The following ANKS1B variants were observed in gnomAD, a reference collection of about 807,000 sequenced individuals.
ANKS1B encodes ankyrin repeat and sterile alpha motif domain containing 1B.
ANKS1B carries 36 observed loss-of-function variants against 148.3 expected under a neutral mutation model. The observed-to-expected ratio is 0.24, with a 90% CI of 0.19 to 0.32. ANKS1B has a LOEUF of 0.32. Ranked by LOEUF, ANKS1B falls within the 10% of genes least tolerant of loss-of-function variation. The probability of loss-of-function intolerance (pLI) is 1.00; values close to 1 mark genes in which losing one functional copy is unlikely to be tolerated. For synonymous variants in ANKS1B, 542 were observed against 560.8 expected (o/e 0.97, Z 0.47); for missense variants, 1,157 against 1,542.6 (o/e 0.75, Z 4.19).
At chr12:99,344,612 A>T (rs1209107481) in intron 12 of ANKS1B, among the ~76,000 whole-genome samples, 1 of 152,098 alleles carries the variant, frequency 6.6e-6, no homozygotes, top group East Asian at 1.9e-4. Context: ...ATTTCTTAAA[A>T]ATAAAATCTT....
intron 12 of ANKS1B, among the ~76,000 whole-genome samples, chr12:99,261,713 C>G (rs1204686626): frequency 6.6e-6 from 1 of 152,094 alleles, no homozygotes; most frequent in Non-Finnish European, 1.5e-5. Flanking sequence ...TAGCAGCCTC[C>G]TAACCATCTC....
chr12:99,743,640 G>A (rs990552770), intron 8 of ANKS1B, among the ~76,000 whole-genome samples: 3 of 152,050 alleles, frequency 2.0e-5, no homozygotes, highest in African/African-American at 4.8e-5. Context: ...TTTATTCTGC[G>A]GTTTTCTATT....
intron 8 of ANKS1B, among the ~76,000 whole-genome samples, chr12:99,700,060 TAATGTATTTGTGAGTTTACC>T (rs1235548757): frequency 6.6e-6 from 1 of 152,234 alleles, no homozygotes; most frequent in Non-Finnish European, 1.5e-5. Context: ...CTTAATTTTT[TAATGTATTTGTGAGTTTACC>T]AAGGTTTGCA....
At chr12:99,100,242 G>A (rs1237742178) in intron 15 of ANKS1B, among the ~76,000 whole-genome samples, 4 of 152,138 alleles carry the variant, frequency 2.6e-5, no homozygotes, top group African/African-American at 9.7e-5. Context: ...TCCATTTTTA[G>A]TTTTAGTTCT....
At chr12:99,346,596 C>T (rs1303925207) in intron 12 of ANKS1B, among the ~76,000 whole-genome samples, 7 of 151,716 alleles carry the variant, frequency 4.6e-5, no homozygotes, top group African/African-American at 1.7e-4. Context: ...CCTTACTCTC[C>T]ACTGAAAAGC....
chr12:99,094,504 A>T (rs925133066), intron 15 of ANKS1B, among the ~76,000 whole-genome samples: 1 of 152,234 alleles, frequency 6.6e-6, no homozygotes, highest in Non-Finnish European at 1.5e-5. Flanking sequence ...ACAAATAAAT[A>T]ACAACGGAGA....
rs1368903039 is a variant in ANKS1B, at chr12:99,085,134, C to A, written c.2527-111G>T. The A allele has an allele frequency of 3.5e-6, 3 of 848,870 alleles. No homozygotes were observed. The African/African-American group carries it at 5.0e-5, about 14-fold the overall frequency. 52.6% of individuals were successfully genotyped at this position (848,870 alleles called of 1,614,324 possible). ...CAGTGAGTGACCTGATTTTTATGAA[C>A]AAAGACATAGAGTCATTCTTCCGTG... is the stretch of plus-strand genomic sequence containing the variant. On this transcript the variant is annotated intron_variant, in intron 15 of 26. Coordinates refer to ENST00000683438, the MANE Select transcript of ANKS1B (RefSeq NM_001352186.2).
intron 1 of ANKS1B, among the ~76,000 whole-genome samples, chr12:99,924,667 C>A: frequency 6.6e-6 from 1 of 151,984 alleles, no homozygotes; most frequent in South Asian, 2.1e-4. Flanking sequence ...ATTATAAAGG[C>A]CCCCGAAAAA....
chr12:99,653,773 C>G (rs1294972227), intron 9 of ANKS1B, among the ~76,000 whole-genome samples: 1 of 151,330 alleles, frequency 6.6e-6, no homozygotes, highest in Non-Finnish European at 1.5e-5. Flanking sequence ...GCCTCAACCT[C>G]CCATCTCAGC....
intron 17 of ANKS1B, among the ~76,000 whole-genome samples, chr12:98,857,672 T>C (rs1190556211): frequency 6.6e-6 from 1 of 152,048 alleles, no homozygotes. Context: ...AATAAATGAA[T>C]GAAGGTGGCT....
intron 8 of ANKS1B, among the ~76,000 whole-genome samples, chr12:99,656,264 C>T (rs935792813): frequency 6.6e-6 from 1 of 151,998 alleles, no homozygotes; most frequent in Non-Finnish European, 1.5e-5. Context: ...CCCAGATAAA[C>T]AACTAGAATA....
chr12:99,486,290 G>T (rs765288442), intron 10 of ANKS1B, among the ~76,000 whole-genome samples: 4 of 151,748 alleles, frequency 2.6e-5, no homozygotes, highest in Non-Finnish European at 5.9e-5. Context: ...ACTTTCAGGG[G>T]TGAAGACTCT....
intron 14 of ANKS1B, among the ~76,000 whole-genome samples, chr12:99,227,345 G>A (rs991428518): frequency 2.6e-5 from 4 of 152,278 alleles, no homozygotes; most frequent in Non-Finnish European, 5.9e-5. Context: ...TCCCTAGAAC[G>A]CGAGCAGATG....
intron 10 of ANKS1B, among the ~76,000 whole-genome samples, chr12:99,462,619 C>A (rs1168849215): frequency 6.6e-6 from 1 of 152,184 alleles, no homozygotes; most frequent in Admixed American, 6.5e-5. Context: ...ATGACTGAGA[C>A]AGAAAAATCA....
intron 12 of ANKS1B, among the ~76,000 whole-genome samples, chr12:99,273,017 TAC>T (rs2077222388): frequency 1.3e-5 from 2 of 152,172 alleles, no homozygotes; most frequent in African/African-American, 4.8e-5. Context: ...GGATAACCTC[TAC>T]AGATAGTTGC....
chr12:99,771,672 T>C (rs1057447259), intron 8 of ANKS1B, among the ~76,000 whole-genome samples: 37 of 152,236 alleles, frequency 2.4e-4, no homozygotes, highest in African/African-American at 8.7e-4. Flanking sequence ...AACTTACAGG[T>C]ATTTACTTCA....
At chr12:99,790,993 T>TA (rs2065578157) in intron 4 of ANKS1B, among the ~76,000 whole-genome samples, 1 of 151,742 alleles carries the variant, frequency 6.6e-6, no homozygotes, top group Non-Finnish European at 1.5e-5. Flanking sequence ...GCTGAATAGA[T>TA]AAAAAACAAA....
At chr12:98,742,498 A>AACTC (rs2097807266), downstream of ANKS1B, among the ~76,000 whole-genome samples, 2 of 152,268 alleles carry the variant, frequency 1.3e-5, no homozygotes, top group South Asian at 4.1e-4. Context: ...TTGCAGAAGC[A>AACTC]ACTCTAAGGA....
intron 14 of ANKS1B, among the ~76,000 whole-genome samples, chr12:99,210,236 C>A (rs2083171664): frequency 6.6e-6 from 1 of 152,174 alleles, no homozygotes. Context: ...CCAAAATAAA[C>A]CCTGTCTTTG....
Sources: allele counts gnomAD v4.1 joint callset (sites outside exome capture counted in the v4.1 genomes callset), GRCh38; gene constraint gnomAD v4.1.1; transcripts MANE v1.5; gene names NCBI Gene and HGNC (gene_info 2026-07-23, HGNC 2026-07-21).